The following NLGN1 variants were observed in gnomAD, a reference collection of about 807,000 sequenced individuals.
NLGN1 encodes the protein neuroligin 1.
In NLGN1, 12 loss-of-function variants were observed where a neutral mutation model predicts 65.5. The ratio of observed to expected loss-of-function variants is 0.18; its 90% CI spans 0.12 to 0.30. NLGN1 has a LOEUF of 0.30. Ranked by LOEUF, NLGN1 falls within the 10% of genes least tolerant of loss-of-function variation. NLGN1 has a pLI of 1.00. For synonymous variants in NLGN1, 350 were observed against 359.5 expected (o/e 0.97, Z 0.30); for missense variants, 750 against 1,007.1 (o/e 0.74, Z 3.46).
rs144519802 is a variant in NLGN1 at position 173,524,069 on chromosome 3, C to T, written c.-320-80210C>T. ...CCGAGTAGCTGGGACTACAGGCACC[C>T]GCCACCACGCTCAGCTAATTTTTTT... is the stretch of plus-strand genomic sequence containing the variant. On this transcript the variant is annotated intron_variant, in intron 2 of 6. Coordinates refer to ENST00000457714, the Ensembl canonical transcript of NLGN1. Among the ~76,000 whole-genome samples the T allele has an allele frequency of 4.7e-3, 709 of 150,410 alleles. 8 individuals are homozygous for T. Among genetic ancestry groups the T allele is most frequent in the African/African-American group, 0.016 (666 of 41,238 alleles).
rs569187631 is a variant in NLGN1, at chr3:173,517,061, A to G, written c.-321+81983A>G. ...TTAGTAGGCAATTAATAATTTGTTA[A>G]TGTAATTATCCTCATCAGTCATTTG... On this transcript the variant is annotated intron_variant, in intron 2 of 6. Transcript: ENST00000457714. 2.6e-5 allele frequency among the ~76,000 whole-genome samples: 4 copies of G among 152,196 alleles called. No individual in the cohort carries two copies. The East Asian group carries it at 7.7e-4, about 29-fold the overall frequency.
chr3:173,521,014 G>A (rs1035817030), intron 2 of NLGN1, among the ~76,000 whole-genome samples: 2 of 152,148 alleles, frequency 1.3e-5, no homozygotes, highest in African/African-American at 4.8e-5. Flanking sequence ...AAGAGTCTAA[G>A]GAGTTTGTAA....
chr3:173,775,029 A>G lies in NLGN1; in HGVS notation c.494-32651A>G, dbSNP rs1361947001. ...ATTGAAAATATTCTTTAAAGCCTTT[A>G]TAAGTGCACCAAGCTTATGCAATTA... On this transcript the variant is annotated intron_variant, in intron 3 of 6. Coordinates refer to ENST00000457714, the Ensembl canonical transcript of NLGN1. Among the ~76,000 whole-genome samples the G allele has an allele frequency of 4.6e-5, 7 of 152,202 alleles. No homozygotes were observed. In the South Asian group the frequency reaches 1.0e-3, roughly 22 times the overall value.
chr3:173,990,131 T>C (rs997510531), intron 4 of NLGN1, among the ~76,000 whole-genome samples: 22 of 152,198 alleles, frequency 1.4e-4, no homozygotes, highest in Non-Finnish European at 2.9e-4. Flanking sequence ...TATCACACCA[T>C]ACTCTGTTGG....
chr3:173,698,276 A>C (rs569366392), intron 3 of NLGN1, among the ~76,000 whole-genome samples: 2 of 152,330 alleles, frequency 1.3e-5, no homozygotes, highest in African/African-American at 4.8e-5. Flanking sequence ...AAATCCAGGA[A>C]AGAAGGGCAT....
At position 173,829,539 on chromosome 3, in the gene NLGN1, G is replaced by A. The variant is rs79593731; in HGVS notation, c.646+21707G>A. Among the ~76,000 whole-genome samples the A allele has an allele frequency of 4.2e-3, 537 of 128,152 alleles. 5 individuals carry two copies. Among genetic ancestry groups the A allele is most frequent in the African/African-American group, 0.015 (505 of 33,284 alleles). The allele number at this position is 128,152 out of a possible 152,430, so 84.1% of individuals were successfully genotyped here. On this transcript the variant is annotated intron_variant, in intron 4 of 6. Coordinates refer to ENST00000457714, the Ensembl canonical transcript of NLGN1. ...TCACCTTTCATAATTAAAATTTCAT[G>A]TGTGGAGTGTGTGCGTGTGTGTGTG...
intron 4 of NLGN1, among the ~76,000 whole-genome samples, chr3:173,832,258 C>G (rs1004463081): frequency 6.6e-6 from 1 of 152,158 alleles, no homozygotes; most frequent in African/African-American, 2.4e-5. Context: ...TCCACTGCAC[C>G]TGGCCTTTAC....
At chr3:173,946,567 C>T (rs978780054) in intron 4 of NLGN1, among the ~76,000 whole-genome samples, 3 of 152,014 alleles carry the variant, frequency 2.0e-5, no homozygotes, top group Non-Finnish European at 2.9e-5. Context: ...TATCTCTGTG[C>T]GGTTCACCTC....
chr3:173,677,037 A>C (rs1053440683), intron 3 of NLGN1, among the ~76,000 whole-genome samples: 2 of 152,124 alleles, frequency 1.3e-5, no homozygotes, highest in African/African-American at 4.8e-5. Flanking sequence ...GAGCATATTA[A>C]ATTTCCAGAG....
At chr3:174,146,081 C>G (rs1047217642) in intron 4 of NLGN1, among the ~76,000 whole-genome samples, 2 of 151,256 alleles carry the variant, frequency 1.3e-5, no homozygotes, top group Non-Finnish European at 2.9e-5. Context: ...ACCTATTAAT[C>G]TATTCTACTC....
intron 4 of NLGN1, among the ~76,000 whole-genome samples, chr3:173,972,701 G>A (rs1440480623): frequency 6.6e-6 from 1 of 152,122 alleles, no homozygotes; most frequent in Non-Finnish European, 1.5e-5. Context: ...CATTCTGTGA[G>A]TTAAGAGTCC....
At chr3:173,791,309 C>G (rs1329908549) in intron 3 of NLGN1, among the ~76,000 whole-genome samples, 1 of 152,192 alleles carries the variant, frequency 6.6e-6, no homozygotes, top group African/African-American at 2.4e-5. Flanking sequence ...GCCTATATGA[C>G]TATCCATTAG....
chr3:173,763,664 C>A (rs1778337797), intron 3 of NLGN1, among the ~76,000 whole-genome samples: 1 of 152,060 alleles, frequency 6.6e-6, no homozygotes, highest in South Asian at 2.1e-4. Context: ...TGTCCTATGC[C>A]TTCAACTCTC....
At chr3:173,603,418 C>A (rs992753426) in intron 2 of NLGN1, among the ~76,000 whole-genome samples, 2 of 148,944 alleles carry the variant, frequency 1.3e-5, no homozygotes, top group Admixed American at 6.8e-5. Context: ...TTTTTAATCA[C>A]CACACTCTCT....
chr3:173,503,480 A>G (rs1731494831), intron 2 of NLGN1, among the ~76,000 whole-genome samples: 1 of 152,112 alleles, frequency 6.6e-6, no homozygotes, highest in African/African-American at 2.4e-5. Context: ...ACATCTGATA[A>G]TTTATAAAAA....
At chr3:173,566,333 A>G (rs1743653550) in intron 2 of NLGN1, among the ~76,000 whole-genome samples, 1 of 152,134 alleles carries the variant, frequency 6.6e-6, no homozygotes, top group South Asian at 2.1e-4. Context: ...CTTAACCTCA[A>G]CTTCAACAGC....
chr3:174,208,956 T>C (rs78881744), intron 4 of NLGN1, among the ~76,000 whole-genome samples: 16,215 of 152,136 alleles, frequency 0.11, 1,692 homozygotes, highest in African/African-American at 0.27. Flanking sequence ...CAGGGTCTGG[T>C]TCTGTTGCCC....
intron 4 of NLGN1, among the ~76,000 whole-genome samples, chr3:174,145,252 C>T (rs371643269): frequency 3.0e-4 from 46 of 152,082 alleles, no homozygotes; most frequent in African/African-American, 9.9e-4. Flanking sequence ...CAGTGTCTCA[C>T]GCCTGTAATC....
At chr3:174,250,790 A>G (rs1431116291) in intron 4 of NLGN1, among the ~76,000 whole-genome samples, 1 of 152,128 alleles carries the variant, frequency 6.6e-6, no homozygotes, top group Non-Finnish European at 1.5e-5. Context: ...CCCAGAATAT[A>G]TAGATAATCA....
Sources: allele counts gnomAD v4.1 joint callset (sites outside exome capture counted in the v4.1 genomes callset), GRCh38; gene constraint gnomAD v4.1.1; transcripts MANE v1.5; gene names NCBI Gene and HGNC (gene_info 2026-07-23, HGNC 2026-07-21).